The following ZNF423 variants were observed in gnomAD, a reference collection of about 807,000 sequenced individuals.
The protein encoded by ZNF423 is zinc finger protein 423.
In ZNF423, 12 loss-of-function variants were observed where a neutral mutation model predicts 95.8. The ratio of observed to expected loss-of-function variants is 0.13; its 90% CI spans 0.08 to 0.20. The LOEUF (loss-of-function observed/expected upper bound fraction) is 0.20, where lower values mean the gene tolerates loss of function less well. ZNF423 is among the 10% of genes least tolerant of loss of function. ZNF423 has a pLI of 1.00. For synonymous variants in ZNF423, 749 were observed against 711.9 expected (o/e 1.05, Z -0.83); for missense variants, 1,316 against 1,737.1 (o/e 0.76, Z 4.31).
chr16:49,619,018 G>A (rs950243345), intron 5 of ZNF423, among the ~76,000 whole-genome samples: 11 of 152,108 alleles, frequency 7.2e-5, no homozygotes, highest in Non-Finnish European at 1.6e-4. Context: ...TGTGTACAGT[G>A]TCCCTACATA....
intron 3 of ZNF423, among the ~76,000 whole-genome samples, chr16:49,668,198 C>A (rs1484612077): frequency 6.6e-6 from 1 of 152,152 alleles, no homozygotes; most frequent in Non-Finnish European, 1.5e-5. Flanking sequence ...AAGCCCCTAC[C>A]CCCCACCCAC....
At chr16:49,776,613 C>T (rs1242686215) in intron 2 of ZNF423, among the ~76,000 whole-genome samples, 4 of 152,222 alleles carry the variant, frequency 2.6e-5, no homozygotes, top group Non-Finnish European at 4.4e-5. Context: ...CTTAAAGAGG[C>T]AGGTGCAGGG....
intron 5 of ZNF423, among the ~76,000 whole-genome samples, chr16:49,590,919 C>T (rs1050183396): frequency 2.6e-5 from 4 of 152,108 alleles, no homozygotes; most frequent in Admixed American, 2.6e-4. Context: ...GGATGATGTT[C>T]AATAGAGAGT....
chr16:49,856,954 G>A (rs866778611), upstream of ZNF423, among the ~76,000 whole-genome samples: 1 of 147,638 alleles, frequency 6.8e-6, no homozygotes, highest in South Asian at 2.1e-4. Context: ...CGTCCTCCTG[G>A]GCAGCGGCGG....
intron 1 of ZNF423, among the ~76,000 whole-genome samples, chr16:49,835,031 G>A (rs1188369289): frequency 6.6e-6 from 1 of 152,070 alleles, no homozygotes; most frequent in Non-Finnish European, 1.5e-5. Flanking sequence ...GAGGCCTTGG[G>A]GGGAGTCTCA....
At chr16:49,772,075 G>T (rs1398686103) in intron 2 of ZNF423, among the ~76,000 whole-genome samples, 1 of 152,216 alleles carries the variant, frequency 6.6e-6, no homozygotes, top group Non-Finnish European at 1.5e-5. Context: ...CCCACCCTGT[G>T]TCATCTGCAA....
rs1406577455 is a variant in ZNF423 at position 49,638,109 on chromosome 16, G to A, written c.1067C>T (p.Pro356Leu). Reference protein sequence around the residue: ...VYCHLDSHRQPDSSNHSVSPD... With the variant: ...VYCHLDSHRQLDSSNHSVSPD... ...ACTGACACTGTGGTTGCTGGAGTCG[G>A]GCTGCCGGTGGCTGTCCAGGTGGCA... The change falls in exon 4 of 8, where the codon CCC becomes CTC. Residue 356 changes from proline to leucine, a missense_variant. This residue lies in a region of ZNF423 where 399 missense variants were observed against 478.5 expected (regional missense o/e 0.83). Coordinates refer to ENST00000563137, the MANE Select transcript of ZNF423 (RefSeq NM_001379286.1). This position sits in a 1 kb window ranked among gnomAD's most constrained non-coding sequence, Gnocchi z 5.6. The A allele has an allele frequency of 1.9e-6, 3 of 1,613,276 alleles. No individual in the cohort carries two copies. The highest frequency in any genetic ancestry group is 1.6e-4 in the Middle Eastern group (1 of 6,062).
chr16:49,584,444 G>A (rs1970761588), intron 5 of ZNF423, among the ~76,000 whole-genome samples: 1 of 152,114 alleles, frequency 6.6e-6, no homozygotes, highest in Non-Finnish European at 1.5e-5. Context: ...TTTTCCAACA[G>A]CCCATACCAC....
intron 4 of ZNF423, among the ~76,000 whole-genome samples, chr16:49,626,679 A>G (rs1184323274): frequency 6.6e-6 from 1 of 150,424 alleles, no homozygotes; most frequent in Non-Finnish European, 1.5e-5. Flanking sequence ...CCATCCACTC[A>G]TTCATCTATC....
rs149760908 is a variant in ZNF423, at chr16:49,732,065, C to T, written c.101-1094G>A. ...ATTTCACAGTCTTGCATATCCTAAA[C>T]TCAAAGAAGGCTCAAAGGATCATGT... On this transcript the variant is annotated intron_variant, in intron 2 of 7. Transcript: ENST00000563137. Among the ~76,000 whole-genome samples, 6 of 152,298 alleles carry T rather than the reference C, an allele frequency of 3.9e-5. No homozygotes were observed. In the South Asian group the frequency reaches 6.2e-4, roughly 16 times the overall value.
At chr16:49,807,173 T>C (rs373611348) in intron 1 of ZNF423, among the ~76,000 whole-genome samples, 2 of 152,134 alleles carry the variant, frequency 1.3e-5, no homozygotes, top group East Asian at 3.9e-4. Context: ...GGCTCACGCC[T>C]GTAATTCCAG....
At chr16:49,676,927 T>C (rs188294299) in intron 3 of ZNF423, among the ~76,000 whole-genome samples, 2 of 152,020 alleles carry the variant, frequency 1.3e-5, no homozygotes, top group African/African-American at 4.8e-5. Context: ...TTTAGAAATG[T>C]AGAATTTAGG....
At chr16:49,801,212 C>T (rs2034577743) in intron 1 of ZNF423, among the ~76,000 whole-genome samples, 1 of 152,202 alleles carries the variant, frequency 6.6e-6, no homozygotes, top group African/African-American at 2.4e-5. Flanking sequence ...GTGCTGGTCC[C>T]ACGTGGGTGA....
intron 2 of ZNF423, among the ~76,000 whole-genome samples, chr16:49,759,671 T>C (rs1381749801): frequency 3.9e-5 from 6 of 152,212 alleles, no homozygotes; most frequent in African/African-American, 1.2e-4. Flanking sequence ...CTCTGAAACT[T>C]CCTGCTTTTA....
chr16:49,614,481 A>C (rs1971814102), intron 5 of ZNF423, among the ~76,000 whole-genome samples: 1 of 152,200 alleles, frequency 6.6e-6, no homozygotes, highest in African/African-American at 2.4e-5. Flanking sequence ...CTTAAATATA[A>C]TTCCATTTAT....
chr16:49,504,952 C>T (rs1189650342), intron 7 of ZNF423, among the ~76,000 whole-genome samples: 9 of 152,164 alleles, frequency 5.9e-5, no homozygotes, highest in African/African-American at 2.2e-4. Context: ...GCCCTGATGG[C>T]TTACAAATGC....
intron 2 of ZNF423, among the ~76,000 whole-genome samples, chr16:49,758,253 C>G (rs1468580824): frequency 6.6e-6 from 1 of 152,168 alleles, no homozygotes; most frequent in Admixed American, 6.5e-5. Context: ...ATTCTCCTGC[C>G]TCGGCCTCCC....
chr16:49,782,495 C>T (rs753866936), intron 2 of ZNF423, among the ~76,000 whole-genome samples: 16 of 152,232 alleles, frequency 1.1e-4, no homozygotes, highest in Non-Finnish European at 1.8e-4. Flanking sequence ...GATCACAGTG[C>T]GACACCAATA....
chr16:49,666,830 G>C (rs1297275744), intron 3 of ZNF423, among the ~76,000 whole-genome samples: 1 of 152,194 alleles, frequency 6.6e-6, no homozygotes, highest in Non-Finnish European at 1.5e-5. Flanking sequence ...AAATCATTAG[G>C]GCAATGGAGG....
Sources: gnomAD v4.1 joint callset for allele counts (sites outside exome capture counted in the v4.1 genomes callset) on GRCh38, gnomAD v4.1.1 for gene constraint, gnomAD v4.1.1 regional missense constraint, Gnocchi (gnomAD v3.1) non-coding constraint, MANE v1.5 for transcripts, NCBI Gene and HGNC (gene_info 2026-07-23, HGNC 2026-07-21) for gene names.